Variants in NALF1 observed in about 807,000 individuals in gnomAD.
The protein encoded by NALF1 is NALCN channel auxiliary factor 1.
In NALF1, 3 loss-of-function variants were observed where a neutral mutation model predicts 48.4. That is an observed-to-expected ratio of 0.06 (90% CI 0.03 to 0.16). NALF1 has a LOEUF of 0.16. NALF1 is among the 10% of genes least tolerant of loss of function. The pLI, the probability that NALF1 is intolerant of heterozygous loss-of-function variation, is 1.00. For synonymous variants in NALF1, 262 were observed against 245.7 expected, an observed-to-expected ratio of 1.07 and a Z score of -0.62; for missense variants, 526 against 571.5, an observed-to-expected ratio of 0.92 and a Z score of 0.81.
At chr13:107,409,019 A>G (rs1306498031) in intron 1 of NALF1, among the ~76,000 whole-genome samples, 1 of 152,138 alleles carries the variant, frequency 6.6e-6, no homozygotes, top group East Asian at 1.9e-4. Flanking sequence ...AGAGCTTAAA[A>G]GATAAACATA....
chr13:107,601,132 C>T (rs1878912802), intron 1 of NALF1, among the ~76,000 whole-genome samples: 1 of 152,102 alleles, frequency 6.6e-6, no homozygotes, highest in African/African-American at 2.4e-5. Flanking sequence ...AGAATGATTG[C>T]TGTAGTATCC....
At chr13:107,180,194 A>G (rs1237849227) in intron 2 of NALF1, among the ~76,000 whole-genome samples, 3 of 151,746 alleles carry the variant, frequency 2.0e-5, no homozygotes, top group Non-Finnish European at 4.4e-5. Flanking sequence ...TTGTTTTCCA[A>G]TTAGTCAAAG....
At chr13:107,355,084 C>A (rs1882939857) in intron 1 of NALF1, among the ~76,000 whole-genome samples, 1 of 152,180 alleles carries the variant, frequency 6.6e-6, no homozygotes, top group South Asian at 2.1e-4. Flanking sequence ...TCTTTGTTCT[C>A]AGTGATCTTT....
chr13:107,309,994 T>A (rs561117450), intron 1 of NALF1, among the ~76,000 whole-genome samples: 9 of 152,320 alleles, frequency 5.9e-5, no homozygotes, highest in African/African-American at 2.2e-4. Context: ...AGCTCAAACA[T>A]CCCAGATGCC....
chr13:107,253,345 T>C (rs1434579405), intron 1 of NALF1, among the ~76,000 whole-genome samples: 1 of 152,138 alleles, frequency 6.6e-6, no homozygotes, highest in African/African-American at 2.4e-5. Context: ...GCATTGCCCA[T>C]AAACTCAGAA....
chr13:107,393,122 A>C (rs1349093776), intron 1 of NALF1, among the ~76,000 whole-genome samples: 2 of 152,170 alleles, frequency 1.3e-5, no homozygotes, highest in Non-Finnish European at 2.9e-5. Context: ...ATAAGCACGA[A>C]GTAAAATTCT....
At chr13:107,300,491 G>A (rs1406019374) in intron 1 of NALF1, among the ~76,000 whole-genome samples, 2 of 152,040 alleles carry the variant, frequency 1.3e-5, no homozygotes, top group African/African-American at 4.8e-5. Context: ...ATTAATATTT[G>A]CATTATTTCT....
chr13:107,643,391 C>T (rs1385253579), intron 1 of NALF1, among the ~76,000 whole-genome samples: 2 of 152,078 alleles, frequency 1.3e-5, no homozygotes, highest in Non-Finnish European at 1.5e-5. Flanking sequence ...TTAATAAACT[C>T]TTCCCATTCA....
intron 1 of NALF1, among the ~76,000 whole-genome samples, chr13:107,637,617 G>A (rs964636140): frequency 2.6e-5 from 4 of 152,102 alleles, no homozygotes; most frequent in East Asian, 1.9e-4. Context: ...TGACTGCCAC[G>A]TGCTAGTGTG....
At chr13:107,725,814 T>C (rs542002643) in intron 1 of NALF1, among the ~76,000 whole-genome samples, 90 of 152,328 alleles carry the variant, frequency 5.9e-4, no homozygotes, top group South Asian at 1.4e-3. Context: ...TTTAACCTGA[T>C]ATGAGTGGCC....
At chr13:107,532,260 C>G (rs544232103) in intron 1 of NALF1, among the ~76,000 whole-genome samples, 3 of 151,118 alleles carry the variant, frequency 2.0e-5, no homozygotes, top group Non-Finnish European at 3.0e-5. Flanking sequence ...TCTTTGAAAT[C>G]TTATGGATTC....
chr13:107,821,192 TACA>T (rs1048064026), intron 1 of NALF1, among the ~76,000 whole-genome samples: 1 of 152,204 alleles, frequency 6.6e-6, no homozygotes, highest in African/African-American at 2.4e-5. Context: ...TTTGCTTTAT[TACA>T]ACAATATTTA....
chr13:107,729,834 G>A (rs1489629217), intron 1 of NALF1, among the ~76,000 whole-genome samples: 3 of 152,164 alleles, frequency 2.0e-5, no homozygotes, highest in Admixed American at 2.0e-4. Flanking sequence ...CTAACTCGGA[G>A]GGTGTAGCTG....
chr13:107,600,576 G>C (rs769606400), intron 1 of NALF1, among the ~76,000 whole-genome samples: 3 of 152,108 alleles, frequency 2.0e-5, no homozygotes, highest in Non-Finnish European at 2.9e-5. Flanking sequence ...TGAGATACTG[G>C]CTAAGTCACA....
At chr13:107,744,426 C>T (rs768664876) in intron 1 of NALF1, among the ~76,000 whole-genome samples, 2 of 152,106 alleles carry the variant, frequency 1.3e-5, no homozygotes, top group Non-Finnish European at 2.9e-5. Context: ...TATCCCCAAG[C>T]CCGAAACTTA....
intron 2 of NALF1, among the ~76,000 whole-genome samples, chr13:107,201,051 A>G (rs1879503328): frequency 6.6e-6 from 1 of 152,186 alleles, no homozygotes; most frequent in African/African-American, 2.4e-5. Flanking sequence ...AGAGATGGCG[A>G]CTGAGAACTA....
intron 1 of NALF1, among the ~76,000 whole-genome samples, chr13:107,760,732 T>C (rs1877238950): frequency 6.6e-6 from 1 of 152,192 alleles, no homozygotes; most frequent in African/African-American, 2.4e-5. Flanking sequence ...TCTAGCAAGG[T>C]GTTAGCATTC....
chr13:107,268,624 T>C (rs1226675025), intron 1 of NALF1, among the ~76,000 whole-genome samples: 2 of 152,222 alleles, frequency 1.3e-5, no homozygotes, highest in African/African-American at 4.8e-5. Flanking sequence ...CTACAACTAT[T>C]TCAACAAAAA....
At position 107,185,694 on chromosome 13, in the gene NALF1, T is replaced by C. The variant is rs139513525; in HGVS notation, c.1088-14908A>G. On this transcript the variant is annotated intron_variant, in intron 2 of 2. Coordinates refer to ENST00000375915, the MANE Select transcript of NALF1 (RefSeq NM_001080396.3). The stretch of plus-strand genomic sequence containing the variant: ...TATATGAAACATAAACTTTCCACCA[T>C]GTATATATTTATTTATTTTTTTAAA... Among the ~76,000 whole-genome samples, 173 of 152,234 alleles carry C rather than the reference T, an allele frequency of 1.1e-3. 2 individuals carry two copies. In the East Asian group the frequency reaches 0.029, roughly 25 times the overall value.
Sources: allele counts gnomAD v4.1 joint callset (sites outside exome capture counted in the v4.1 genomes callset), GRCh38; gene constraint gnomAD v4.1.1; transcripts MANE v1.5; gene names NCBI Gene and HGNC (gene_info 2026-07-23, HGNC 2026-07-21).